HMCN1: variants seen among roughly 807,000 people sequenced by gnomAD.
HMCN1 encodes hemicentin-1.
Under a neutral mutation model 625.9 loss-of-function variants are expected in HMCN1, and 321 were observed. The ratio of observed to expected loss-of-function variants is 0.51; its 90% confidence interval spans 0.47 to 0.56. HMCN1 has a LOEUF of 0.56. Among genes scored for constraint, HMCN1 ranks in the 20% least tolerant of loss-of-function variants. The pLI is 0.00. For synonymous variants in HMCN1, 2,425 were observed against 2,417.6 expected, an observed-to-expected ratio of 1.00 and a Z score of -0.09; for missense variants, 6,588 against 6,887.3, an observed-to-expected ratio of 0.96 and a Z score of 1.54.
intron 15 of HMCN1, among the ~76,000 whole-genome samples, chr1:185,975,240 A>T (rs1221360615): frequency 6.6e-6 from 1 of 152,182 alleles, no homozygotes; most frequent in Non-Finnish European, 1.5e-5. Flanking sequence ...CCGTTCTCAC[A>T]TTGCTATAAA....
chr1:186,022,451 G>C (rs1029439373), intron 35 of HMCN1, among the ~76,000 whole-genome samples: 1 of 152,088 alleles, frequency 6.6e-6, no homozygotes, highest in Admixed American at 6.6e-5. Flanking sequence ...AGGCTGGTGG[G>C]TATTGTGACT....
chr1:186,021,755 G>A (rs1230498476), intron 35 of HMCN1, among the ~76,000 whole-genome samples: 3 of 152,004 alleles, frequency 2.0e-5, no homozygotes, highest in African/African-American at 7.2e-5. Context: ...TCTGGAAAAG[G>A]TGGAGAGCCA....
intron 1 of HMCN1, among the ~76,000 whole-genome samples, chr1:185,737,036 T>C (rs1408447375): frequency 6.6e-6 from 1 of 152,210 alleles, no homozygotes; most frequent in Non-Finnish European, 1.5e-5. Flanking sequence ...AAACATACTG[T>C]TAACTTTAGT....
At chr1:186,152,110 T>A (rs548223369) in intron 95 of HMCN1, among the ~76,000 whole-genome samples, 9 of 152,348 alleles carry the variant, frequency 5.9e-5, no homozygotes, top group African/African-American at 2.2e-4. Flanking sequence ...ATTAGGATAC[T>A]TTATAGCAGT....
chr1:186,087,906 C>G (rs1052437924), intron 60 of HMCN1, 26 bp from the exon 61 acceptor site: 2 of 1,579,332 alleles, frequency 1.3e-6, no homozygotes, highest in Admixed American at 3.3e-5. Context: ...TAATGGAGCA[C>G]ATACAATAGT....
chr1:186,087,589 T>C lies in HMCN1; in HGVS notation c.9307T>C (p.Ser3103Pro). 6.2e-7 allele frequency: 1 copy of C among 1,613,162 alleles called. No homozygotes were observed. The highest frequency in any genetic ancestry group is 2.2e-5 in the East Asian group (1 of 44,842). Residue 3103 changes from serine to proline, a missense_variant, in exon 60 of 107, where the codon TCT becomes CCT. Coordinates refer to ENST00000271588, the MANE Select transcript of HMCN1 (RefSeq NM_031935.3). ...TAAGAATGGGCGGATGATAACAGAGTCTACTCATGTGGAGATTTTAGCTGA... is the reference window on the plus strand; with the variant it reads ...TAAGAATGGGCGGATGATAACAGAGCCTACTCATGTGGAGATTTTAGCTGA... ...WYKNGRMITE[S>P]THVEILADGQ...
At chr1:186,043,544 G>A (rs1164930284) in intron 40 of HMCN1, among the ~76,000 whole-genome samples, 1 of 152,126 alleles carries the variant, frequency 6.6e-6, no homozygotes, top group Non-Finnish European at 1.5e-5. Flanking sequence ...TTAGCATTCT[G>A]TAGTCTTGAA....
At chr1:185,953,754 G>C (rs571244196) in intron 11 of HMCN1, among the ~76,000 whole-genome samples, 1 of 151,704 alleles carries the variant, frequency 6.6e-6, no homozygotes, top group East Asian at 1.9e-4. Flanking sequence ...CCGAGTCACG[G>C]CACCAAATTT....
At position 186,055,569 on chromosome 1, in the gene HMCN1, A is replaced by G. The variant is rs757162592; in HGVS notation, c.7039A>G (p.Ile2347Val). ...KGVEILDEGH[I>V]LQLKNIHVSD... ...AGTAGAAATACTGGATGAAGGTCAC[A>G]TCCTTCAGCTGAAGAACATTCATGT... Residue 2347 changes from isoleucine (I) to valine (V), a missense_variant, in exon 45 of 107, where the codon ATC becomes GTC. Coordinates refer to ENST00000271588, the MANE Select transcript of HMCN1 (RefSeq NM_031935.3). The G allele has an allele frequency of 6.2e-7, 1 of 1,612,536 alleles. No homozygotes were observed. Among genetic ancestry groups the G allele is most frequent in the Non-Finnish European group, 8.5e-7 (1 of 1,179,018 alleles).
intron 40 of HMCN1, among the ~76,000 whole-genome samples, 194 bp downstream of exon 40, chr1:186,041,330 A>C (rs991086721): frequency 6.6e-6 from 1 of 152,114 alleles, no homozygotes; most frequent in African/African-American, 2.4e-5. Context: ...TAAAGTTCTG[A>C]GAAAGTAAAA....
At chr1:186,053,443 A>G (rs986954008) in intron 43 of HMCN1, among the ~76,000 whole-genome samples, 1 of 152,018 alleles carries the variant, frequency 6.6e-6, no homozygotes, top group African/African-American at 2.4e-5. Flanking sequence ...CATACCCCAA[A>G]CCTCAGCATC....
chr1:185,740,421 T>A lies in HMCN1; in HGVS notation c.268+5374T>A, dbSNP rs79955891. Among the ~76,000 whole-genome samples, 1,114 of 152,250 alleles carry A rather than the reference T, an allele frequency of 7.3e-3. 9 individuals are homozygous for A. The highest frequency in any genetic ancestry group is 0.027 in the Middle Eastern group (8 of 294). On this transcript the variant is annotated intron_variant, in intron 1 of 106. Coordinates refer to ENST00000271588, the MANE Select transcript of HMCN1 (RefSeq NM_031935.3). ...ATGAAACCAAAAGGATTTAATGAAC[T>A]GGATGTGAGGTCTTAGAAAAATAAA... is the stretch of plus-strand genomic sequence containing the variant.
At chr1:185,746,719 C>T (rs1169364348) in intron 1 of HMCN1, among the ~76,000 whole-genome samples, 1 of 151,454 alleles carries the variant, frequency 6.6e-6, no homozygotes, top group East Asian at 1.9e-4. Context: ...ATTCTGCCTG[C>T]CTTAGCCTCC....
intron 7 of HMCN1, 21 bp downstream of exon 7, chr1:185,922,520 T>C: frequency 6.3e-7 from 1 of 1,581,056 alleles, no homozygotes; most frequent in Non-Finnish European, 8.6e-7. Context: ...GCATATTATT[T>C]AAATTGACAT....
intron 1 of HMCN1, among the ~76,000 whole-genome samples, chr1:185,745,143 C>T (rs924370325): frequency 3.3e-5 from 5 of 152,128 alleles, no homozygotes; most frequent in African/African-American, 7.2e-5. Flanking sequence ...TAAGACACAA[C>T]GTTACTCCCA....
intron 15 of HMCN1, among the ~76,000 whole-genome samples, chr1:185,974,986 T>A (rs1366232670): frequency 6.6e-6 from 1 of 152,190 alleles, no homozygotes; most frequent in Non-Finnish European, 1.5e-5. Context: ...TGTGTTGTAA[T>A]GTGTCAGTAA....
chr1:185,980,711 T>C (rs1651567733), intron 16 of HMCN1, among the ~76,000 whole-genome samples: 1 of 152,196 alleles, frequency 6.6e-6, no homozygotes, highest in African/African-American at 2.4e-5. Flanking sequence ...CCGTCCTCTA[T>C]TCTACTCACT....
chr1:186,113,510 A>G (rs925918921), intron 72 of HMCN1, among the ~76,000 whole-genome samples: 14 of 152,250 alleles, frequency 9.2e-5, no homozygotes, highest in South Asian at 2.1e-4. Context: ...GTCTATTCCC[A>G]TATGAACTCA....
intron 100 of HMCN1, among the ~76,000 whole-genome samples, chr1:186,167,245 C>G (rs943942716): frequency 1.3e-5 from 2 of 152,206 alleles, no homozygotes; most frequent in African/African-American, 4.8e-5. Context: ...TGATTGAGAT[C>G]ATACTGCACA....
Sources: allele counts gnomAD v4.1 joint callset (sites outside exome capture counted in the v4.1 genomes callset), GRCh38; gene constraint gnomAD v4.1.1; transcripts MANE v1.5; gene names NCBI Gene and HGNC (gene_info 2026-07-23, HGNC 2026-07-21).